STARD8: variants seen among roughly 807,000 people sequenced by gnomAD.
STARD8 encodes stAR-related lipid transfer protein 8.
In STARD8, 25 loss-of-function variants were observed where a neutral mutation model predicts 69.4. The observed-to-expected ratio is 0.36, with a 90% confidence interval of 0.26 to 0.50. The LOEUF (loss-of-function observed/expected upper bound fraction) is 0.50, where lower values mean the gene tolerates loss of function less well. Ranked by LOEUF, STARD8 falls within the 20% of genes least tolerant of loss-of-function variation. The pLI, the probability that STARD8 is intolerant of heterozygous loss-of-function variation, is 0.96. For missense variants in STARD8, 921 were observed against 932.5 expected, an observed-to-expected ratio of 0.99 and a Z score of 0.16; for synonymous variants, 389 against 374.6, an observed-to-expected ratio of 1.04 and a Z score of -0.45.
intron 1 of STARD8, among the ~76,000 whole-genome samples, chrX:68,655,571 G>C (rs1242760697): frequency 8.9e-6 from 1 of 112,203 alleles, no homozygotes; most frequent in African/African-American, 3.2e-5. Flanking sequence ...GACATATGCT[G>C]TGTAACTTTG....
intron 1 of STARD8, among the ~76,000 whole-genome samples, chrX:68,659,049 A>G (rs1161113814): frequency 8.9e-6 from 1 of 111,927 alleles, no homozygotes; most frequent in Non-Finnish European, 1.9e-5. Flanking sequence ...AATGTCATAG[A>G]TGGAAATAGG....
chrX:68,701,741 C>T (rs1479574322), intron 2 of STARD8, among the ~76,000 whole-genome samples: 1 of 111,722 alleles, frequency 9.0e-6, no homozygotes, highest in Non-Finnish European at 1.9e-5. Flanking sequence ...CTGATTAGCA[C>T]CTTCTAGTAC....
At position 68,694,071 on chromosome X, in the gene STARD8, T is replaced by C. The variant is rs774274018; in HGVS notation, c.80-18843T>C. Among the ~76,000 whole-genome samples the C allele has an allele frequency of 1.1e-4, 12 of 112,971 alleles. No homozygotes were observed. In the East Asian group the frequency reaches 3.4e-3, roughly 32 times the overall value. On this transcript the variant is annotated intron_variant, in intron 2 of 14. Transcript: ENST00000374599. ...CAGCCGCGCGTCTTCCAGCGAAGCCTCGCGAGTGGGGCGGTGGAAGGCAGC... is the reference window on the plus strand; with the variant it reads ...CAGCCGCGCGTCTTCCAGCGAAGCCCCGCGAGTGGGGCGGTGGAAGGCAGC...
In STARD8 at chrX:68,722,546, T is replaced by A. The variant is rs2080160421; in HGVS notation, c.2699T>A (p.Met900Lys). The change falls in exon 12 of 15, where the codon ATG (methionine) becomes AAG (lysine). Residue 900 changes from methionine to lysine, a missense_variant. Met to Lys is a moderately conservative substitution (Grantham distance 95). Transcript: ENST00000374599. ...GCAGGGGTAAGCCTGAGCCTCTACA[T>A]GGAAGAGAATATCCAGGACCTGCTG... Reference protein sequence around the residue: ...QAAGVSLSLYMEENIQDLLRD... With the variant: ...QAAGVSLSLYKEENIQDLLRD... 5 of 1,211,661 alleles carry A rather than the reference T, an allele frequency of 4.1e-6. No individual in the cohort carries two copies. In the South Asian group the frequency reaches 7.0e-5, roughly 17 times the overall value.
chrX:68,653,461 A>T, intron 1 of STARD8, among the ~76,000 whole-genome samples: 1 of 26,419 alleles, frequency 3.8e-5, no homozygotes. Context: ...CCACACACAC[A>T]CACCCCACAC....
chrX:68,668,625 G>C (rs1241806167), intron 2 of STARD8, among the ~76,000 whole-genome samples: 1 of 111,259 alleles, frequency 9.0e-6, no homozygotes, highest in Non-Finnish European at 1.9e-5. Flanking sequence ...TTATAGGAGA[G>C]CATTAGGAAT....
At position 68,718,563 on chromosome X, in the gene STARD8, T is replaced by C. The variant is rs200064815; in HGVS notation, c.1649T>C (p.Leu550Pro). The change falls in exon 6 of 15, where the codon CTC becomes CCC. Residue 550 changes from leucine (L) to proline (P), a missense_variant. Leu to Pro is a moderately conservative substitution (Grantham distance 98). Transcript: ENST00000374599. The stretch of plus-strand genomic sequence containing the variant: ...GAGGCTGCGGGGCCCCTGGCTGGAC[T>C]CCAGGCATCAATGCCCCGTGAACGG... ...EAEAAGPLAG[L>P]QASMPRERRD... 2.5e-6 allele frequency: 3 copies of C among 1,210,537 alleles called. No homozygotes were observed. The African/African-American group carries it at 5.2e-5, about 21-fold the overall frequency.
At chrX:68,653,069 CCACA>C (rs2079570746) in intron 1 of STARD8, among the ~76,000 whole-genome samples, 1 of 31,000 alleles carries the variant, frequency 3.2e-5, no homozygotes, top group African/African-American at 1.4e-4. Context: ...ACACCACACA[CCACA>C]CACACACCAC....
chrX:68,691,230 T>G (rs1284140153), intron 2 of STARD8, among the ~76,000 whole-genome samples: 2 of 111,743 alleles, frequency 1.8e-5, no homozygotes, highest in Non-Finnish European at 3.8e-5. Flanking sequence ...TGAGCTGGCA[T>G]CCAAGGTAGC....
chrX:68,653,105 A>AC (rs1426925725), intron 1 of STARD8, among the ~76,000 whole-genome samples: 2 of 8,616 alleles, frequency 2.3e-4, no homozygotes, highest in Non-Finnish European at 2.1e-4. Context: ...CACACACCAC[A>AC]CACACACACC....
intron 2 of STARD8, among the ~76,000 whole-genome samples, chrX:68,695,626 G>A (rs2079914078): frequency 9.0e-6 from 1 of 111,453 alleles, no homozygotes; most frequent in South Asian, 3.9e-4. Context: ...GGCTGTGTGC[G>A]CTGTGTGCTT....
intron 1 of STARD8, among the ~76,000 whole-genome samples, chrX:68,657,001 G>A (rs1326985480): frequency 3.6e-5 from 4 of 111,694 alleles, no homozygotes; most frequent in Non-Finnish European, 7.5e-5. Context: ...GAACTTAAAA[G>A]TATAATTAAA....
At chrX:68,695,922 T>G (rs2147908337) in intron 2 of STARD8, among the ~76,000 whole-genome samples, 1 of 112,161 alleles carries the variant, frequency 8.9e-6, no homozygotes, top group African/African-American at 3.2e-5. Flanking sequence ...ATTGGGAAGC[T>G]GTCACAGCTG....
At chrX:68,663,900 G>T (rs776878165) in intron 1 of STARD8, among the ~76,000 whole-genome samples, 1 of 111,511 alleles carries the variant, frequency 9.0e-6, no homozygotes, top group African/African-American at 3.3e-5. Flanking sequence ...ATCCCTCAAG[G>T]GTCCTGCCAG....
Position 68,722,094 on chromosome X carries a change from T to C in STARD8, c.2507T>C (p.Leu836Pro). The C allele has an allele frequency of 8.3e-7, 1 of 1,207,813 alleles. No individual in the cohort carries two copies. Among genetic ancestry groups the C allele is most frequent in the Non-Finnish European group, 1.1e-6 (1 of 892,483 alleles). Residue 836 changes from leucine to proline, a missense_variant, in exon 11 of 15, where the codon CTG becomes CCG. Coordinates refer to ENST00000374599, the MANE Select transcript of STARD8 (RefSeq NM_001142503.3). ...SLIGRPGPRD[L>P]SDNMAATQGL... ...ATTGGCAGGCCAGGCCCTAGGGACC[T>C]GAGTGACAACATGGCAGCCACCCAG...
chrX:68,648,106 C>A (rs775742197), intron 1 of STARD8, among the ~76,000 whole-genome samples, 179 bp downstream of exon 1: 1 of 112,427 alleles, frequency 8.9e-6, no homozygotes, highest in African/African-American at 3.2e-5. Context: ...GTTCTGTGAC[C>A]TTCTGTTGCA....
chrX:68,720,818 C>T, intron 8 of STARD8, 106 bp from the exon 9 acceptor site: 1 of 775,017 alleles, frequency 1.3e-6, no homozygotes, highest in East Asian at 3.5e-5. Context: ...GCTTTGAAGT[C>T]TCTGGGGTGG....
In STARD8 at chrX:68,681,184, T is replaced by TG. The variant is rs776375389; in HGVS notation, c.79+15653dup. ...TTTACTAAAGCCCAGAAAAGGTGAATGATTGGGCCTTAGTCATCCATAGCA... is the reference window on the plus strand; with the variant it reads ...TTTACTAAAGCCCAGAAAAGGTGAATGGATTGGGCCTTAGTCATCCATAGCA... On this transcript the variant is annotated intron_variant, in intron 2 of 14. Coordinates refer to ENST00000374599, the MANE Select transcript of STARD8 (RefSeq NM_001142503.3). Among the ~76,000 whole-genome samples, 415 of 111,480 alleles carry TG rather than the reference T, an allele frequency of 3.7e-3. 2 individuals are homozygous for TG. The highest frequency in any genetic ancestry group is 0.013 in the African/African-American group (392 of 30,656).
rs139821939 is a variant in STARD8 at position 68,697,532 on chromosome X, C to G, written c.80-15382C>G. Among the ~76,000 whole-genome samples, 3 of 112,488 alleles carry G rather than the reference C, an allele frequency of 2.7e-5. No individual in the cohort carries two copies. In the East Asian group the frequency reaches 8.4e-4, roughly 32 times the overall value. ...ACCCAGGAGTTTGGGGTACGCAGGT[C>G]TGGGAGAATTCTGGGAGGCTGCTCT... On this transcript the variant is annotated intron_variant, in intron 2 of 14. Transcript: ENST00000374599.
Sources: allele counts gnomAD v4.1 joint callset (sites outside exome capture counted in the v4.1 genomes callset), GRCh38; gene constraint gnomAD v4.1.1; transcripts MANE v1.5; gene names NCBI Gene and HGNC (gene_info 2026-07-23, HGNC 2026-07-21).